TAFA1: variants seen among roughly 807,000 people sequenced by gnomAD.
TAFA1 encodes chemokine-like protein TAFA-1.
In TAFA1, 4 loss-of-function variants were observed where a neutral mutation model predicts 18.5. The ratio of observed to expected loss-of-function variants is 0.22; its 90% CI spans 0.11 to 0.49. The LOEUF (loss-of-function observed/expected upper bound fraction) is 0.49, where lower values mean the gene tolerates loss of function less well. Among genes scored for constraint, TAFA1 ranks in the 20% least tolerant of loss-of-function variants. The pLI is 0.98. For missense variants in TAFA1, 147 were observed against 169.0 expected (o/e 0.87, Z 0.72); for synonymous variants, 56 against 55.2 (o/e 1.01, Z -0.06).
intron 2 of TAFA1, among the ~76,000 whole-genome samples, chr3:68,288,553 T>C (rs1467601367): frequency 4.6e-5 from 7 of 152,232 alleles, no homozygotes; most frequent in Admixed American, 4.6e-4. Flanking sequence ...CGCCCACATT[T>C]TTAATGATGT....
chr3:68,543,944 AC>A (rs1164561750), intron 4 of TAFA1, among the ~76,000 whole-genome samples: 1 of 152,180 alleles, frequency 6.6e-6, no homozygotes, highest in Admixed American at 6.6e-5. Context: ...TCTAACCTTG[AC>A]AACGACCTCA....
chr3:68,250,784 T>C (rs1010084383), intron 2 of TAFA1: 2 of 151,962 alleles, frequency 1.3e-5, no homozygotes, highest in African/African-American at 4.8e-5. Flanking sequence ...GTTGTTTTTT[T>C]TTTTTAGCAA....
chr3:68,040,033 A>G (rs1705131767), intron 2 of TAFA1, among the ~76,000 whole-genome samples: 1 of 152,230 alleles, frequency 6.6e-6, no homozygotes, highest in Non-Finnish European at 1.5e-5. Flanking sequence ...ACAGACATGC[A>G]CAGTAGGAAG....
chr3:68,318,351 G>A (rs1280376129), intron 2 of TAFA1, among the ~76,000 whole-genome samples: 1 of 152,146 alleles, frequency 6.6e-6, no homozygotes, highest in Admixed American at 6.6e-5. Flanking sequence ...GAATATCCTT[G>A]AAGTCATTAT....
chr3:68,351,636 A>G (rs994913872), intron 2 of TAFA1, among the ~76,000 whole-genome samples: 8 of 152,064 alleles, frequency 5.3e-5, no homozygotes, highest in African/African-American at 1.9e-4. Context: ...TAGAGAGTTG[A>G]CAAGACAAAG....
intron 2 of TAFA1, among the ~76,000 whole-genome samples, chr3:68,243,624 A>G (rs756930700): frequency 6.6e-6 from 1 of 152,124 alleles, no homozygotes; most frequent in Non-Finnish European, 1.5e-5. Flanking sequence ...GTGTGTGTCA[A>G]TAGTTCATTT....
chr3:68,287,915 G>T (rs1013678824), intron 2 of TAFA1, among the ~76,000 whole-genome samples: 1 of 79,914 alleles, frequency 1.3e-5, no homozygotes, highest in African/African-American at 5.9e-5. Context: ...GTTGGGGGGT[G>T]GGGGGGCTTT....
At chr3:68,375,499 G>A (rs2069791989) in intron 2 of TAFA1, among the ~76,000 whole-genome samples, 1 of 152,138 alleles carries the variant, frequency 6.6e-6, no homozygotes, top group Non-Finnish European at 1.5e-5. Context: ...TGACCTTAAG[G>A]AAGTCGTGAT....
chr3:68,325,816 G>C (rs1455070185), intron 2 of TAFA1, among the ~76,000 whole-genome samples: 1 of 152,108 alleles, frequency 6.6e-6, no homozygotes, highest in African/African-American at 2.4e-5. Flanking sequence ...AATCCCAGAG[G>C]CTCTTCTAAG....
chr3:68,063,922 G>A (rs751774536), intron 2 of TAFA1, among the ~76,000 whole-genome samples: 1 of 152,136 alleles, frequency 6.6e-6, no homozygotes, highest in African/African-American at 2.4e-5. Flanking sequence ...CCACTCTGGC[G>A]ATGCCAGAAT....
At chr3:68,424,990 C>T (rs1190806700) in intron 3 of TAFA1, among the ~76,000 whole-genome samples, 3 of 152,004 alleles carry the variant, frequency 2.0e-5, no homozygotes, top group Admixed American at 6.6e-5. Flanking sequence ...TAGTGTGATG[C>T]CCGAAGATAG....
intron 2 of TAFA1, among the ~76,000 whole-genome samples, chr3:68,098,101 G>C (rs1384391965): frequency 6.6e-6 from 1 of 152,162 alleles, no homozygotes; most frequent in African/African-American, 2.4e-5. Context: ...AGAACCTGTT[G>C]TGGTCTCACT....
At chr3:68,167,593 A>AAG (rs2065999964) in intron 2 of TAFA1, among the ~76,000 whole-genome samples, 1 of 151,712 alleles carries the variant, frequency 6.6e-6, no homozygotes. Flanking sequence ...AAAACAAAAA[A>AAG]AACAGAAGAA....
rs2067035801 is a variant in TAFA1 at position 68,244,038 on chromosome 3, T to C, written c.119-173242T>C. Among the ~76,000 whole-genome samples, 3 of 152,230 alleles carry C rather than the reference T, an allele frequency of 2.0e-5. No individual in the cohort carries two copies. In the South Asian group the frequency reaches 6.2e-4, roughly 31 times the overall value. On this transcript the variant is annotated intron_variant, in intron 2 of 4. Coordinates refer to ENST00000478136, the MANE Select transcript of TAFA1 (RefSeq NM_213609.4). ...TAATTTGCATTTTCCTAATGTCTAC[T>C]GAGGTTGAACATCTTTTCGTATGCT...
intron 2 of TAFA1, among the ~76,000 whole-genome samples, chr3:68,221,799 G>T (rs2066734028): frequency 6.6e-6 from 1 of 152,148 alleles, no homozygotes; most frequent in Admixed American, 6.5e-5. Context: ...AATATGATTT[G>T]ATTGTGCTAT....
At chr3:68,516,954 A>C (rs1447450540) in intron 3 of TAFA1, among the ~76,000 whole-genome samples, 1 of 152,028 alleles carries the variant, frequency 6.6e-6, no homozygotes, top group African/African-American at 2.4e-5. Flanking sequence ...TTGTATTTTT[A>C]ATAGAGATAG....
At chr3:68,410,305 C>G (rs573652327) in intron 2 of TAFA1, among the ~76,000 whole-genome samples, 1 of 151,904 alleles carries the variant, frequency 6.6e-6, no homozygotes, top group South Asian at 2.1e-4. Context: ...TCAACATGGG[C>G]AAAAGGAATG....
intron 2 of TAFA1, among the ~76,000 whole-genome samples, chr3:68,353,555 A>G (rs1398852977): frequency 6.6e-6 from 1 of 152,006 alleles, no homozygotes; most frequent in South Asian, 2.1e-4. Flanking sequence ...TTTTGTATTC[A>G]TAGCCACTAT....
intron 2 of TAFA1, among the ~76,000 whole-genome samples, chr3:68,174,666 G>T (rs1350681652): frequency 6.6e-6 from 1 of 152,170 alleles, no homozygotes; most frequent in Non-Finnish European, 1.5e-5. Context: ...TGACTTGGGT[G>T]TTGTTAAAGG....
Sources: gnomAD v4.1 joint callset for allele counts (sites outside exome capture counted in the v4.1 genomes callset) on GRCh38, gnomAD v4.1.1 for gene constraint, MANE v1.5 for transcripts, NCBI Gene and HGNC (gene_info 2026-07-23, HGNC 2026-07-21) for gene names.